Variants in JAKMIP2 observed in about 807,000 individuals in gnomAD.
The protein encoded by JAKMIP2 is janus kinase and microtubule interacting protein 2.
Under a neutral mutation model 115.0 loss-of-function variants are expected in JAKMIP2, and 25 were observed. That is an observed-to-expected ratio of 0.22 (90% CI 0.16 to 0.30). JAKMIP2 has a LOEUF of 0.30. Ranked by LOEUF, JAKMIP2 falls within the 10% of genes least tolerant of loss-of-function variation. The pLI is 1.00. For synonymous variants in JAKMIP2, 334 were observed against 343.6 expected, an observed-to-expected ratio of 0.97 and a Z score of 0.31; for missense variants, 642 against 957.6, an observed-to-expected ratio of 0.67 and a Z score of 4.35.
intron 9 of JAKMIP2, 58 bp from the exon 10 acceptor site, chr5:147,639,818 A>T: frequency 6.4e-7 from 1 of 1,573,964 alleles, no homozygotes; most frequent in Non-Finnish European, 8.6e-7. Context: ...TCCTGTTTTC[A>T]ATGTGAAATA....
intron 3 of JAKMIP2, among the ~76,000 whole-genome samples, chr5:147,660,048 C>A (rs1758878984): frequency 6.6e-6 from 1 of 152,096 alleles, no homozygotes; most frequent in Non-Finnish European, 1.5e-5. Flanking sequence ...TCCGGAGAAG[C>A]ATAAAGTACA....
chr5:147,677,245 G>T (rs943896016), intron 1 of JAKMIP2, among the ~76,000 whole-genome samples: 1 of 152,180 alleles, frequency 6.6e-6, no homozygotes, highest in Non-Finnish European at 1.5e-5. Flanking sequence ...CACGACGCAA[G>T]AACTAACCAT....
intron 19 of JAKMIP2, among the ~76,000 whole-genome samples, chr5:147,616,429 A>G (rs73268103): frequency 0.061 from 9,302 of 152,248 alleles, 803 homozygotes; most frequent in African/African-American, 0.19. Context: ...ACTCTTTCAG[A>G]GGTGAAGTAT....
intron 1 of JAKMIP2, among the ~76,000 whole-genome samples, chr5:147,690,868 T>C (rs1751811703): frequency 6.6e-6 from 1 of 152,018 alleles, no homozygotes; most frequent in African/African-American, 2.4e-5. Flanking sequence ...CTGGATCTGT[T>C]GCTGGAAATG....
chr5:147,672,050 CCTCCT>C, intron 1 of JAKMIP2, 96 bp from the exon 2 acceptor site: 40 of 824,876 alleles, frequency 4.8e-5, no homozygotes, highest in South Asian at 5.9e-5. Context: ...GTAAGAGCCT[CCTCCT>C]GAGGCTCTCC....
intron 3 of JAKMIP2, among the ~76,000 whole-genome samples, chr5:147,659,109 C>G (rs1264065747): frequency 7.0e-6 from 1 of 142,524 alleles, no homozygotes; most frequent in Non-Finnish European, 1.5e-5. Flanking sequence ...AAAAAAAAAT[C>G]CTGCAGCTCA....
At chr5:147,603,611 T>A (rs1755830948) in intron 20 of JAKMIP2, among the ~76,000 whole-genome samples, 1 of 152,208 alleles carries the variant, frequency 6.6e-6, no homozygotes, top group Admixed American at 6.5e-5. Flanking sequence ...ATAAACCTCA[T>A]CTCTAGTCAA....
intron 20 of JAKMIP2, among the ~76,000 whole-genome samples, chr5:147,607,228 G>C (rs1467138678): frequency 6.6e-6 from 1 of 152,194 alleles, no homozygotes; most frequent in Non-Finnish European, 1.5e-5. Flanking sequence ...GGAGTGGTAA[G>C]AGACAGCATC....
intron 16 of JAKMIP2, 145 bp downstream of exon 16, chr5:147,628,606 G>C: frequency 1.9e-6 from 1 of 525,688 alleles, no homozygotes; most frequent in Non-Finnish European, 3.3e-6. Context: ...CATTCTATCT[G>C]GGTTGTACTA....
intron 21 of JAKMIP2, among the ~76,000 whole-genome samples, chr5:147,599,984 T>G (rs1305794941): frequency 1.3e-5 from 2 of 152,196 alleles, no homozygotes. Flanking sequence ...CCTATCCATT[T>G]TCTACCTAGT....
chr5:147,702,572 GAA>G (rs1203832507), intron 1 of JAKMIP2, among the ~76,000 whole-genome samples: 1 of 102,684 alleles, frequency 9.7e-6, no homozygotes, highest in Non-Finnish European at 1.9e-5. Flanking sequence ...AAGAAAGAAA[GAA>G]AGAAGGAAAG....
chr5:147,637,127 G>C, intron 10 of JAKMIP2, 79 bp from the exon 11 acceptor site: 1 of 585,270 alleles, frequency 1.7e-6, no homozygotes, highest in East Asian at 3.3e-5. Flanking sequence ...CAACAAGTAA[G>C]AGAGAGAGAG....
At chr5:147,611,197 G>C (rs13187867) in intron 20 of JAKMIP2, among the ~76,000 whole-genome samples, 144,764 of 152,182 alleles carry the variant, frequency 0.95, 69,259 homozygotes, top group East Asian at 1. Context: ...GTGAACGGTT[G>C]TGTCTTGATG....
chr5:147,727,468 A>T (rs999577195), intron 1 of JAKMIP2, among the ~76,000 whole-genome samples: 1 of 152,180 alleles, frequency 6.6e-6, no homozygotes, highest in African/African-American at 2.4e-5. Context: ...AGAAGGCAAA[A>T]GGGAAGCAAG....
At chr5:147,728,848 C>T (rs1753617503) in intron 1 of JAKMIP2, among the ~76,000 whole-genome samples, 2 of 152,092 alleles carry the variant, frequency 1.3e-5, no homozygotes. Flanking sequence ...TGCTTTAGAG[C>T]CATTAGATCC....
At chr5:147,656,717 A>G (rs1758693931) in intron 3 of JAKMIP2, among the ~76,000 whole-genome samples, 1 of 152,166 alleles carries the variant, frequency 6.6e-6, no homozygotes, top group Non-Finnish European at 1.5e-5. Context: ...TGTGAATTTG[A>G]TCCTGTCATC....
At chr5:147,676,573 C>A (rs189762308) in intron 1 of JAKMIP2, among the ~76,000 whole-genome samples, 26 of 152,300 alleles carry the variant, frequency 1.7e-4, no homozygotes, top group Admixed American at 9.1e-4. Flanking sequence ...GCTGCATGGT[C>A]AGGCAGCAGT....
At chr5:147,628,287 T>C (rs1169757011) in intron 16 of JAKMIP2, among the ~76,000 whole-genome samples, 1 of 152,118 alleles carries the variant, frequency 6.6e-6, no homozygotes, top group African/African-American at 2.4e-5. Flanking sequence ...GTGTTGATTT[T>C]CTCCTGACAG....
At chr5:147,621,447 A>G (rs1756843097) in intron 17 of JAKMIP2, among the ~76,000 whole-genome samples, 1 of 152,238 alleles carries the variant, frequency 6.6e-6, no homozygotes, top group Non-Finnish European at 1.5e-5. Flanking sequence ...CTCTGAAGAA[A>G]AACTCAATGG....
Sources: gnomAD v4.1 joint callset for allele counts (sites outside exome capture counted in the v4.1 genomes callset) on GRCh38, gnomAD v4.1.1 for gene constraint, MANE v1.5 for transcripts, NCBI Gene and HGNC (gene_info 2026-07-23, HGNC 2026-07-21) for gene names.